ARHGAP26: variants seen among roughly 807,000 people sequenced by gnomAD.
The protein encoded by ARHGAP26 is Rho GTPase activating protein 26.
ARHGAP26 carries 38 observed loss-of-function variants against 104.8 expected under a neutral mutation model. The observed-to-expected ratio is 0.36, with a 90% CI of 0.28 to 0.48. ARHGAP26 has a LOEUF of 0.48. ARHGAP26 is among the 20% of genes least tolerant of loss of function. The pLI is 0.99. For missense variants in ARHGAP26, 704 were observed against 947.9 expected, an observed-to-expected ratio of 0.74 and a Z score of 3.38; for synonymous variants, 341 against 340.0, an observed-to-expected ratio of 1.00 and a Z score of -0.03.
At chr5:142,821,473 T>C (rs1216076193) in intron 1 of ARHGAP26, among the ~76,000 whole-genome samples, 3 of 152,064 alleles carry the variant, frequency 2.0e-5, no homozygotes, top group African/African-American at 7.2e-5. Context: ...TGACTTCCAT[T>C]ATAGTCTCAG....
intron 11 of ARHGAP26, among the ~76,000 whole-genome samples, chr5:142,971,280 C>T (rs1772232119): frequency 6.6e-6 from 1 of 151,970 alleles, no homozygotes; most frequent in Non-Finnish European, 1.5e-5. Flanking sequence ...GGCAGAATAA[C>T]CATGGTTATA....
At chr5:143,034,071 G>T (rs1782271041) in intron 12 of ARHGAP26, among the ~76,000 whole-genome samples, 1 of 152,088 alleles carries the variant, frequency 6.6e-6, no homozygotes, top group Non-Finnish European at 1.5e-5. Context: ...ACACCCACTA[G>T]GATGGCTATA....
intron 17 of ARHGAP26, among the ~76,000 whole-genome samples, chr5:143,112,786 A>G (rs1794925777): frequency 6.6e-6 from 1 of 152,232 alleles, no homozygotes; most frequent in Admixed American, 6.5e-5. Context: ...TATATGCTAG[A>G]ATTCCCTTCC....
At chr5:143,002,338 T>G (rs1777295672) in intron 11 of ARHGAP26, among the ~76,000 whole-genome samples, 1 of 150,884 alleles carries the variant, frequency 6.6e-6, no homozygotes, top group African/African-American at 2.5e-5. Flanking sequence ...AGGTTCTCTC[T>G]TCTGCTAACA....
chr5:143,200,151 A>G (rs564802654), intron 20 of ARHGAP26, among the ~76,000 whole-genome samples: 12 of 152,190 alleles, frequency 7.9e-5, no homozygotes, highest in Non-Finnish European at 1.5e-4. Context: ...CACTGAAAAA[A>G]TGTTCATCTA....
At chr5:142,868,155 G>C (rs1314077803) in intron 1 of ARHGAP26, 1 of 152,338 alleles carries the variant, frequency 6.6e-6, no homozygotes, top group Non-Finnish European at 1.5e-5. Context: ...GTGAGAAATA[G>C]GGTTGGGTTT....
chr5:142,903,746 G>A (rs955473381), intron 8 of ARHGAP26, 77 bp downstream of exon 8: 13 of 1,476,954 alleles, frequency 8.8e-6, no homozygotes, highest in South Asian at 7.9e-5. Context: ...ATTCAGCAGT[G>A]CCTACCTTAC....
intron 11 of ARHGAP26, among the ~76,000 whole-genome samples, chr5:142,991,781 T>C (rs1775653639): frequency 6.6e-6 from 1 of 152,208 alleles, no homozygotes; most frequent in Non-Finnish European, 1.5e-5. Context: ...CTATACCATC[T>C]AGGTTTGTGT....
intron 14 of ARHGAP26, among the ~76,000 whole-genome samples, chr5:143,051,523 G>A (rs1390001498): frequency 1.3e-5 from 2 of 152,220 alleles, no homozygotes; most frequent in Non-Finnish European, 2.9e-5. Flanking sequence ...ATATTCAGAT[G>A]CCATCAGGAA....
intron 1 of ARHGAP26, among the ~76,000 whole-genome samples, chr5:142,784,244 T>C (rs1429172448): frequency 1.3e-5 from 2 of 152,208 alleles, no homozygotes; most frequent in Non-Finnish European, 2.9e-5. Context: ...GCAGGGAAGC[T>C]CTGCTCCATT....
At chr5:142,829,069 G>A (rs1767875295) in intron 1 of ARHGAP26, among the ~76,000 whole-genome samples, 1 of 152,226 alleles carries the variant, frequency 6.6e-6, no homozygotes, top group Admixed American at 6.5e-5. Context: ...AGTAAGTGCT[G>A]GTTAGGCATG....
chr5:143,017,350 T>G (rs1779731392), intron 12 of ARHGAP26, among the ~76,000 whole-genome samples: 1 of 152,228 alleles, frequency 6.6e-6, no homozygotes, highest in South Asian at 2.1e-4. Flanking sequence ...ATGACCCAGT[T>G]GCCAGGGAGA....
chr5:142,791,159 A>G (rs1283492967), intron 1 of ARHGAP26, among the ~76,000 whole-genome samples: 1 of 150,564 alleles, frequency 6.6e-6, no homozygotes, highest in Admixed American at 6.6e-5. Context: ...GCTTACTGCA[A>G]CCTCCACCTC....
At chr5:143,170,566 A>G (rs796969330) in intron 20 of ARHGAP26, 10 of 152,358 alleles carry the variant, frequency 6.6e-5, no homozygotes, top group African/African-American at 2.4e-4. Flanking sequence ...TATGGTGATG[A>G]TAATGGTGGT....
In ARHGAP26 at chr5:142,862,805, C is replaced by T. The variant is rs189366436; in HGVS notation, c.155-10595C>T. On this transcript the variant is annotated intron_variant, in intron 1 of 22. Coordinates refer to ENST00000645722, the MANE Select transcript of ARHGAP26 (RefSeq NM_001135608.3). ...TCTGGCTTTCACTGTAAGTTTACGA[C>T]GATAAATTTTCAGATGGTACACGTC... Among the ~76,000 whole-genome samples, 597 of 152,262 alleles carry T rather than the reference C, an allele frequency of 3.9e-3. 2 individuals are homozygous for T. Among genetic ancestry groups the T allele is most frequent in the Non-Finnish European group, 6.1e-3 (416 of 68,026 alleles).
intron 10 of ARHGAP26, among the ~76,000 whole-genome samples, chr5:142,928,038 A>G (rs1257358853): frequency 1.3e-5 from 2 of 152,152 alleles, no homozygotes; most frequent in Non-Finnish European, 1.5e-5. Context: ...CATTCTTTAC[A>G]TATTCTGGAT....
chr5:143,112,391 G>A (rs1259444719), intron 17 of ARHGAP26, among the ~76,000 whole-genome samples: 1 of 152,172 alleles, frequency 6.6e-6, no homozygotes, highest in Non-Finnish European at 1.5e-5. Context: ...GGGTAGAGGA[G>A]GGCCTTGAGA....
intron 21 of ARHGAP26, among the ~76,000 whole-genome samples, chr5:143,208,222 G>A (rs1001544337): frequency 1.3e-5 from 2 of 152,172 alleles, no homozygotes; most frequent in East Asian, 1.9e-4. Context: ...GGAAAAGAAC[G>A]AATAGGGATC....
intron 11 of ARHGAP26, chr5:142,969,366 T>G (rs1202142953): frequency 2.0e-5 from 3 of 152,242 alleles, no homozygotes; most frequent in African/African-American, 7.2e-5. Context: ...TGGCAGGCTC[T>G]TGGCAGGATG....
Sources: gnomAD v4.1 joint callset for allele counts (sites outside exome capture counted in the v4.1 genomes callset) on GRCh38, gnomAD v4.1.1 for gene constraint, MANE v1.5 for transcripts, NCBI Gene and HGNC (gene_info 2026-07-23, HGNC 2026-07-21) for gene names.